The following HNF4G variants were observed in gnomAD, a reference collection of about 807,000 sequenced individuals.
The protein encoded by HNF4G is hepatocyte nuclear factor 4 gamma, also known as hepatocyte nuclear factor 4-gamma.
In HNF4G, 21 loss-of-function variants were observed where a neutral mutation model predicts 50.9. That is an observed-to-expected ratio of 0.41 (90% confidence interval 0.29 to 0.59). The LOEUF is 0.59. HNF4G is among the 20% of genes least tolerant of loss of function. The probability of loss-of-function intolerance (pLI) is 0.26; values close to 1 mark genes in which losing one functional copy is unlikely to be tolerated. For synonymous variants in HNF4G, 198 were observed against 185.6 expected (o/e 1.07, Z -0.54); for missense variants, 527 against 559.4 (o/e 0.94, Z 0.58).
chr8:75,490,054 A>G (rs1356946619), intron 1 of HNF4G: 1 of 152,606 alleles, frequency 6.6e-6, no homozygotes, highest in Non-Finnish European at 1.5e-5. Flanking sequence ...GCAGCATGTC[A>G]CTCAATAGTA....
chr8:75,555,525 T>C (rs1211929845), intron 5 of HNF4G, among the ~76,000 whole-genome samples: 1 of 152,176 alleles, frequency 6.6e-6, no homozygotes, highest in Non-Finnish European at 1.5e-5. Flanking sequence ...CAGGAGATTA[T>C]GTTTTATATA....
chr8:75,438,142 A>G (rs77843950), intron 1 of HNF4G, among the ~76,000 whole-genome samples: 370 of 152,316 alleles, frequency 2.4e-3, no homozygotes, highest in South Asian at 7.7e-3. Context: ...TCACAACAGC[A>G]TGTTGACAGG....
In HNF4G at chr8:75,558,558, G is replaced by A; in HGVS notation, c.774G>A (p.Glu258=). 1.2e-6 allele frequency: 2 copies of A among 1,613,874 alleles called. No homozygotes were observed. The highest frequency in any genetic ancestry group is 1.7e-6 in the Non-Finnish European group (2 of 1,179,856). ...TTCACCGCAACAGCTGTGAAGTTGAGATTAGCCGTGTGGCCAATCGTGTTC... is the reference window on the plus strand; with the variant it reads ...TTCACCGCAACAGCTGTGAAGTTGAAATTAGCCGTGTGGCCAATCGTGTTC... The part of the protein sequence containing the change: ...YVIHRNSCEV[E]ISRVANRVLD... Residue 258 remains glutamate, a synonymous_variant, in exon 7 of 10, where the codon GAG becomes GAA. Coordinates refer to ENST00000396423, the MANE Select transcript of HNF4G (RefSeq NM_004133.5).
At chr8:75,429,920 G>A (rs1810968023) in intron 1 of HNF4G, among the ~76,000 whole-genome samples, 1 of 152,076 alleles carries the variant, frequency 6.6e-6, no homozygotes, top group Non-Finnish European at 1.5e-5. Context: ...GGGAGGCCGA[G>A]GCCAGCGGAT....
intron 1 of HNF4G, among the ~76,000 whole-genome samples, chr8:75,467,635 G>A (rs1161417015): frequency 6.6e-6 from 1 of 151,250 alleles, no homozygotes; most frequent in Non-Finnish European, 1.5e-5. Flanking sequence ...ACTCCAGCCT[G>A]GCAACAGAGC....
chr8:75,547,759 T>C (rs1806830812), intron 3 of HNF4G, 78 bp downstream of exon 3: 2 of 910,162 alleles, frequency 2.2e-6, no homozygotes, highest in Non-Finnish European at 3.6e-6. Flanking sequence ...TTGATTAGTA[T>C]AACTTTTTAC....
intron 2 of HNF4G, among the ~76,000 whole-genome samples, chr8:75,534,017 A>G (rs1328828634): frequency 6.6e-6 from 1 of 151,892 alleles, no homozygotes; most frequent in Admixed American, 6.6e-5. Context: ...GCATAGTGAA[A>G]CTGCTGCTAT....
intron 2 of HNF4G, among the ~76,000 whole-genome samples, chr8:75,534,383 G>A (rs1806407667): frequency 6.6e-6 from 1 of 151,828 alleles, no homozygotes; most frequent in South Asian, 2.1e-4. Context: ...CTTGAAGGTA[G>A]GTTTAATATA....
chr8:75,490,839 C>T (rs192214074), intron 2 of HNF4G, among the ~76,000 whole-genome samples: 2 of 152,108 alleles, frequency 1.3e-5, no homozygotes, highest in South Asian at 2.1e-4. Context: ...TAACTGAAAC[C>T]ATATACTCAC....
At chr8:75,427,541 C>T (rs1395845537) in intron 1 of HNF4G, among the ~76,000 whole-genome samples, 3 of 151,428 alleles carry the variant, frequency 2.0e-5, no homozygotes, top group African/African-American at 7.3e-5. Context: ...TGCACCACTG[C>T]ACGCCAACCT....
At position 75,558,582 on chromosome 8, in the gene HNF4G, T is replaced by C. The variant is rs1292799450; in HGVS notation, c.798T>C (p.Val266=). 8 of 1,613,806 alleles carry C rather than the reference T, an allele frequency of 5.0e-6. No individual in the cohort carries two copies. The highest frequency in any genetic ancestry group is 6.8e-6 in the Non-Finnish European group (8 of 1,179,802). The stretch of plus-strand genomic sequence containing the variant: ...AGATTAGCCGTGTGGCCAATCGTGT[T>C]CTAGATGAGCTGGTTAGACCATTTC... ...EVEISRVANR[V]LDELVRPFQE... is the part of the protein sequence containing the mutation. The change falls in exon 7 of 10, where the codon GTT becomes GTC. Residue 266 remains valine, a synonymous_variant. Transcript: ENST00000396423.
intron 2 of HNF4G, among the ~76,000 whole-genome samples, chr8:75,521,193 T>G (rs1231756162): frequency 6.6e-6 from 1 of 152,170 alleles, no homozygotes; most frequent in Non-Finnish European, 1.5e-5. Context: ...TTTAAAACTG[T>G]TAAAAAGTAA....
At chr8:75,540,224 T>G in intron 1 of HNF4G, 144 bp downstream of exon 1, 1 of 552,366 alleles carries the variant, frequency 1.8e-6, no homozygotes. Flanking sequence ...TCTGAGCTTT[T>G]GCACTTCATT....
chr8:75,454,086 CCTCCCTCTCTTCCTTTCTCCCTCT>C (rs1563513231), intron 1 of HNF4G, among the ~76,000 whole-genome samples: 1 of 148,194 alleles, frequency 6.7e-6, no homozygotes, highest in African/African-American at 2.5e-5. Context: ...TCCCTCCCTC[CCTCCCTCTCTTCCTTTCTCCCTCT>C]CTCCCTCTCC....
chr8:75,417,361 A>C (rs1810666639), intron 1 of HNF4G, among the ~76,000 whole-genome samples: 2 of 152,294 alleles, frequency 1.3e-5, no homozygotes, highest in South Asian at 4.1e-4. Flanking sequence ...ACATATATTA[A>C]ATTGTTTAAT....
intron 1 of HNF4G, among the ~76,000 whole-genome samples, chr8:75,448,711 A>G (rs1463091729): frequency 6.6e-6 from 1 of 151,962 alleles, no homozygotes; most frequent in Non-Finnish European, 1.5e-5. Context: ...AAACACCTAA[A>G]AGGACAACTA....
intron 5 of HNF4G, among the ~76,000 whole-genome samples, chr8:75,554,083 G>C (rs1807047772): frequency 6.6e-6 from 1 of 151,862 alleles, no homozygotes; most frequent in East Asian, 1.9e-4. Flanking sequence ...TTCACCTGGT[G>C]ACAGGAAAAA....
At chr8:75,482,275 T>A (rs962367999) in intron 1 of HNF4G, among the ~76,000 whole-genome samples, 1 of 152,092 alleles carries the variant, frequency 6.6e-6, no homozygotes, top group African/African-American at 2.4e-5. Context: ...ATCTGGAAAT[T>A]TGGGAGGATT....
chr8:75,553,282 C>T (rs553731099), intron 5 of HNF4G, 85 bp downstream of exon 5: 4 of 1,144,940 alleles, frequency 3.5e-6, no homozygotes, highest in African/African-American at 3.1e-5. Context: ...ATTTGTAATG[C>T]ATATTCTATA....
Sources: gnomAD v4.1 joint callset for allele counts (sites outside exome capture counted in the v4.1 genomes callset) on GRCh38, gnomAD v4.1.1 for gene constraint, MANE v1.5 for transcripts, NCBI Gene and HGNC (gene_info 2026-07-23, HGNC 2026-07-21) for gene names.